The following ADAMTS7 variants were observed in gnomAD, a reference collection of about 807,000 sequenced individuals.
The protein encoded by ADAMTS7 is A disintegrin and metalloproteinase with thrombospondin motifs 7.
In ADAMTS7, 89 loss-of-function variants were observed where a neutral mutation model predicts 172.6. That is an observed-to-expected ratio of 0.52 (90% confidence interval 0.43 to 0.61). The LOEUF is 0.61. ADAMTS7 is among the 20% of genes least tolerant of loss of function. The pLI is 0.00. For synonymous variants in ADAMTS7, 885 were observed against 978.4 expected, an observed-to-expected ratio of 0.90 and a Z score of 1.78; for missense variants, 1,973 against 2,355.6, an observed-to-expected ratio of 0.84 and a Z score of 3.36.
In ADAMTS7 at chr15:78,771,107, C is replaced by A; in HGVS notation, c.2518+55G>T. On this transcript the variant is annotated intron_variant, in intron 16 of 23. Transcript: ENST00000388820. This position sits in a 1 kb window ranked among gnomAD's most constrained non-coding sequence, Gnocchi z 4.9. ...GTGAGCTGGGAGCTGAAGCCAGTGT[C>A]CCTGTCCAGACACTAAGCCCCTGCA... 1 of 1,529,606 alleles carries A rather than the reference C, an allele frequency of 6.5e-7. No homozygotes were observed. Among genetic ancestry groups the A allele is most frequent in the South Asian group, 1.2e-5 (1 of 81,572 alleles). The allele number at this position is 1,529,606 out of a possible 1,614,324, so 94.8% of individuals were successfully genotyped here.
chr15:78,789,570 C>A, intron 7 of ADAMTS7, 119 bp downstream of exon 7: 1 of 1,398,874 alleles, frequency 7.1e-7, no homozygotes, highest in South Asian at 1.4e-5. Flanking sequence ...GTCAGGGCTC[C>A]TTTTCCAGAG....
chr15:78,789,597 G>T, intron 7 of ADAMTS7, 92 bp downstream of exon 7: 1 of 1,520,344 alleles, frequency 6.6e-7, no homozygotes, highest in Non-Finnish European at 9.0e-7. Flanking sequence ...CTTTCCCCTG[G>T]ACTTTGTGAC....
rs1420212916 is a variant in ADAMTS7 at position 78,771,324 on chromosome 15, C to G, written c.2377-21G>C. On this transcript the variant is annotated intron_variant, in intron 15 of 23. Coordinates refer to ENST00000388820, the MANE Select transcript of ADAMTS7 (RefSeq NM_014272.5). This position sits in a 1 kb window ranked among gnomAD's most constrained non-coding sequence, Gnocchi z 4.9. ...AGCAGCTGGGTGGGCAGGCGGGGGCCCATGAGCACAAGGTGTCTTCTCCAT... is the reference window on the plus strand; with the variant it reads ...AGCAGCTGGGTGGGCAGGCGGGGGCGCATGAGCACAAGGTGTCTTCTCCAT... 8.1e-6 allele frequency: 13 copies of G among 1,611,560 alleles called. No homozygotes were observed. The highest frequency in any genetic ancestry group is 1.1e-5 in the Non-Finnish European group (13 of 1,178,542).
At chr15:78,790,486 T>G (rs2055563083) in intron 6 of ADAMTS7, among the ~76,000 whole-genome samples, 184 bp downstream of exon 6, 1 of 152,116 alleles carries the variant, frequency 6.6e-6, no homozygotes, top group African/African-American at 2.4e-5. Flanking sequence ...AAATCCACAA[T>G]TATTTCAAAA....
intron 4 of ADAMTS7, among the ~76,000 whole-genome samples, chr15:78,795,947 A>G (rs1247382050): frequency 6.6e-6 from 1 of 152,134 alleles, no homozygotes; most frequent in African/African-American, 2.4e-5. Flanking sequence ...TGGTTGTGTG[A>G]CCTGGGCAAG....
At chr15:78,768,552 G>C (rs1387034094) in intron 16 of ADAMTS7, among the ~76,000 whole-genome samples, 1 of 152,148 alleles carries the variant, frequency 6.6e-6, no homozygotes, top group Non-Finnish European at 1.5e-5. Context: ...TGAGATGCCT[G>C]GGCAGCTCAT....
intron 19 of ADAMTS7, 29 bp downstream of exon 19, chr15:78,765,616 T>C (rs1481596858): frequency 6.3e-7 from 1 of 1,598,828 alleles, no homozygotes; most frequent in Non-Finnish European, 8.5e-7. Flanking sequence ...CTGCGCAAAC[T>C]CCCTGCCCGC....
At chr15:78,797,664 C>T (rs2055663684) in intron 3 of ADAMTS7, among the ~76,000 whole-genome samples, 2 of 152,074 alleles carry the variant, frequency 1.3e-5, no homozygotes, top group Admixed American at 6.5e-5. Context: ...AGGCTGTTGG[C>T]GGGGAGGGAG....
chr15:78,773,299 G>A lies in ADAMTS7; in HGVS notation c.2011-96C>T, dbSNP rs1180536514. The A allele has an allele frequency of 8.0e-6, 10 of 1,246,500 alleles. 2 individuals are homozygous for A. Among genetic ancestry groups the A allele is most frequent in the Non-Finnish European group, 1.1e-5 (10 of 894,182 alleles). 77.2% of individuals were successfully genotyped at this position (1,246,500 alleles called of 1,614,324 possible). Reference sequence around the variant, plus strand: ...GCCAGAGTCAGGAGAAGAAAGCTGGGAGTTGGGGTCGGGAGGCCTCTCTCT... The same window carrying A: ...GCCAGAGTCAGGAGAAGAAAGCTGGAAGTTGGGGTCGGGAGGCCTCTCTCT... On this transcript the variant is annotated intron_variant, in intron 13 of 23. Coordinates refer to ENST00000388820, the MANE Select transcript of ADAMTS7 (RefSeq NM_014272.5).
chr15:78,762,842 C>A (rs966111385), intron 22 of ADAMTS7, among the ~76,000 whole-genome samples: 1 of 152,228 alleles, frequency 6.6e-6, no homozygotes, highest in African/African-American at 2.4e-5. Context: ...GAGCCCCTCA[C>A]ACAGGACATG....
chr15:78,799,608 T>G (rs185580238), intron 2 of ADAMTS7, among the ~76,000 whole-genome samples: 1 of 150,378 alleles, frequency 6.6e-6, no homozygotes, highest in Non-Finnish European at 1.5e-5. Flanking sequence ...CAGTCATAAC[T>G]GATGCCCCAA....
intron 1 of ADAMTS7, among the ~76,000 whole-genome samples, chr15:78,804,316 G>A (rs1277938859): frequency 6.6e-6 from 1 of 152,220 alleles, no homozygotes; most frequent in African/African-American, 2.4e-5. Flanking sequence ...TGTGCCGGGG[G>A]TTGGGGGAGC....
intron 3 of ADAMTS7, 35 bp downstream of exon 3, chr15:78,797,913 G>C (rs755397573): frequency 1.9e-6 from 3 of 1,583,754 alleles, no homozygotes; most frequent in South Asian, 2.3e-5. Context: ...CCCAGGCCCA[G>C]CACCCACCCG....
chr15:78,783,121 A>G (rs986227749), intron 8 of ADAMTS7, among the ~76,000 whole-genome samples: 14 of 152,346 alleles, frequency 9.2e-5, no homozygotes, highest in African/African-American at 3.4e-4. Context: ...AAATGACCTC[A>G]GATACTGAAA....
At position 78,774,786 on chromosome 15, in the gene ADAMTS7, A is replaced by G; in HGVS notation, c.1714T>C (p.Tyr572His). 1 of 1,598,546 alleles carries G rather than the reference A, an allele frequency of 6.3e-7. No individual in the cohort carries two copies. The highest frequency in any genetic ancestry group is 8.5e-7 in the Non-Finnish European group (1 of 1,170,572). The change falls in exon 12 of 24, where the codon TAC becomes CAC. Residue 572 changes from tyrosine to histidine, a missense_variant. Physicochemically the swap from Tyr to His is moderately conservative, Grantham distance 83. Around this residue, in one of 8 missense-constraint regions of ADAMTS7, gnomAD observed 526 missense variants for 662.9 expected, o/e 0.79. Coordinates refer to ENST00000388820, the MANE Select transcript of ADAMTS7 (RefSeq NM_014272.5). Reference sequence around the variant, plus strand: ...TCACCCACACAGTATCTGCCTTTGTATTTGGGCCTGTGGGGAGAACCGGGG... The same window carrying G: ...TCACCCACACAGTATCTGCCTTTGTGTTTGGGCCTGTGGGGAGAACCGGGG... Reference protein sequence around the residue: ...ERQCTQPTPKYKGRYCVGERK... With the variant: ...ERQCTQPTPKHKGRYCVGERK...
intron 4 of ADAMTS7, among the ~76,000 whole-genome samples, chr15:78,793,930 C>A (rs1567234542): frequency 1.3e-5 from 2 of 152,186 alleles, no homozygotes. Context: ...CTTGAGCGAG[C>A]CCCTTGACCT....
At chr15:78,765,381 G>C (rs4243085) in intron 19 of ADAMTS7, among the ~76,000 whole-genome samples, 110,662 of 152,224 alleles carry the variant, frequency 0.73, 40,408 homozygotes, top group Non-Finnish European at 0.76. Context: ...TGCGGGGACC[G>C]TCCCCACTGC....
intron 12 of ADAMTS7, 89 bp downstream of exon 12, chr15:78,774,535 G>C (rs1223930680): frequency 6.3e-7 from 1 of 1,590,118 alleles, no homozygotes; most frequent in Non-Finnish European, 8.6e-7. Flanking sequence ...GGTGAAGACT[G>C]GGCCTCCTGC....
At chr15:78,760,238 G>A (rs12906653) in intron 23 of ADAMTS7, among the ~76,000 whole-genome samples, 42,781 of 152,140 alleles carry the variant, frequency 0.28, 7,595 homozygotes, top group Non-Finnish European at 0.41. Flanking sequence ...TGCTTGTCAG[G>A]GCTGAGGCTT....
Sources: allele counts gnomAD v4.1 joint callset (sites outside exome capture counted in the v4.1 genomes callset), GRCh38; gene constraint gnomAD v4.1.1; regional missense constraint gnomAD v4.1.1; non-coding constraint Gnocchi (gnomAD v3.1); transcripts MANE v1.5; gene names NCBI Gene and HGNC (gene_info 2026-07-23, HGNC 2026-07-21).